TDRD5: variants seen among roughly 807,000 people sequenced by gnomAD.
TDRD5 encodes tudor domain containing 5, also known as tudor domain-containing protein 5.
TDRD5 carries 41 observed loss-of-function variants against 120.6 expected under a neutral mutation model. That is an observed-to-expected ratio of 0.34 (90% CI 0.26 to 0.44). TDRD5 has a LOEUF of 0.44. Ranked by LOEUF, TDRD5 falls within the 20% of genes least tolerant of loss-of-function variation. The pLI, the probability that TDRD5 is intolerant of heterozygous loss-of-function variation, is 1.00. For missense variants in TDRD5, 1,006 were observed against 1,221.2 expected, an observed-to-expected ratio of 0.82 and a Z score of 2.63; for synonymous variants, 430 against 433.7, an observed-to-expected ratio of 0.99 and a Z score of 0.11.
At chr1:179,663,861 T>G (rs975301168) in intron 16 of TDRD5, among the ~76,000 whole-genome samples, 1 of 152,218 alleles carries the variant, frequency 6.6e-6, no homozygotes, top group Non-Finnish European at 1.5e-5. Context: ...TTCCTGTAAC[T>G]TAGTCATAAT....
At chr1:179,665,599 TC>T (rs1679518594) in intron 16 of TDRD5, among the ~76,000 whole-genome samples, 1 of 152,166 alleles carries the variant, frequency 6.6e-6, no homozygotes, top group African/African-American at 2.4e-5. Flanking sequence ...ATGTGTCTGT[TC>T]CTATACCAGC....
intron 4 of TDRD5, among the ~76,000 whole-genome samples, chr1:179,601,193 T>G (rs1028288769): frequency 2.0e-5 from 3 of 152,270 alleles, no homozygotes; most frequent in African/African-American, 4.8e-5. Context: ...AACATAATTA[T>G]AGATTTGTCT....
At chr1:179,663,751 T>A (rs1205581251) in intron 16 of TDRD5, among the ~76,000 whole-genome samples, 1 of 152,204 alleles carries the variant, frequency 6.6e-6, no homozygotes, top group Non-Finnish European at 1.5e-5. Flanking sequence ...ATGTTGATTT[T>A]AAAATGAAAA....
At chr1:179,635,423 G>A (rs1045494172) in intron 8 of TDRD5, among the ~76,000 whole-genome samples, 1 of 152,118 alleles carries the variant, frequency 6.6e-6, no homozygotes, top group African/African-American at 2.4e-5. Flanking sequence ...ATGTCATAAG[G>A]TAGTAGTTTT....
intron 9 of TDRD5, among the ~76,000 whole-genome samples, chr1:179,637,928 CTCAAAGACAAGAAT>C (rs1227630259): frequency 2.0e-5 from 3 of 152,112 alleles, no homozygotes; most frequent in African/African-American, 4.8e-5. Flanking sequence ...TGAGCTAGGC[CTCAAAGACAAGAAT>C]TTGCGAGTCA....
At chr1:179,664,021 A>C in intron 16 of TDRD5, among the ~76,000 whole-genome samples, 1 of 152,194 alleles carries the variant, frequency 6.6e-6, no homozygotes, top group Non-Finnish European at 1.5e-5. Flanking sequence ...AATGTCTGTG[A>C]ATCACGAAAT....
intron 3 of TDRD5, among the ~76,000 whole-genome samples, chr1:179,594,847 C>T (rs537505645): frequency 6.6e-6 from 1 of 152,332 alleles, no homozygotes; most frequent in South Asian, 2.1e-4. Context: ...TCAACTTTAT[C>T]AGTATTCTTG....
chr1:179,639,404 A>T (rs1677922197), intron 9 of TDRD5, among the ~76,000 whole-genome samples: 1 of 152,200 alleles, frequency 6.6e-6, no homozygotes, highest in South Asian at 2.1e-4. Flanking sequence ...ATAACTATTG[A>T]CAAAGAAGTA....
At chr1:179,670,812 T>C (rs1679819891) in intron 17 of TDRD5, among the ~76,000 whole-genome samples, 1 of 152,238 alleles carries the variant, frequency 6.6e-6, no homozygotes, top group Non-Finnish European at 1.5e-5. Flanking sequence ...CTTTGTCAGG[T>C]ATAAATATTC....
intron 17 of TDRD5, among the ~76,000 whole-genome samples, chr1:179,686,720 G>T (rs146463391): frequency 6.6e-6 from 1 of 152,062 alleles, no homozygotes; most frequent in Non-Finnish European, 1.5e-5. Context: ...CAGTTTCAGA[G>T]CCTGTTATTG....
chr1:179,640,709 A>C (rs191827694), intron 11 of TDRD5, among the ~76,000 whole-genome samples: 25 of 152,312 alleles, frequency 1.6e-4, no homozygotes, highest in African/African-American at 5.8e-4. Flanking sequence ...GAGGCATTTG[A>C]GTGGCACTTT....
chr1:179,685,794 C>T (rs993035379), intron 17 of TDRD5, among the ~76,000 whole-genome samples: 3 of 152,126 alleles, frequency 2.0e-5, no homozygotes, highest in African/African-American at 7.2e-5. Context: ...ATTTTATTCT[C>T]TCTGAAGCAA....
In TDRD5 at chr1:179,685,925, A is replaced by T. The variant is rs574393316; in HGVS notation, c.2861-4771A>T. The stretch of plus-strand genomic sequence containing the variant: ...GAGACTTTGCTGAAGTTGCTTATCA[A>T]CTTAAGGAGATTTTGAGCTAAGATG... On this transcript the variant is annotated intron_variant, in intron 17 of 17. Transcript: ENST00000444136. Among the ~76,000 whole-genome samples the T allele has an allele frequency of 2.0e-5, 3 of 152,240 alleles. No individual in the cohort carries two copies. The South Asian group carries it at 6.2e-4, about 32-fold the overall frequency.
intron 14 of TDRD5, among the ~76,000 whole-genome samples, chr1:179,655,495 T>G (rs1253800294): frequency 6.6e-6 from 1 of 152,242 alleles, no homozygotes; most frequent in African/African-American, 2.4e-5. Context: ...TGGTGTACTA[T>G]TCTATCAACT....
intron 14 of TDRD5, 31 bp from the exon 15 acceptor site, chr1:179,662,073 T>C (rs1244593552): frequency 6.6e-7 from 1 of 1,505,526 alleles, no homozygotes; most frequent in African/African-American, 1.4e-5. Context: ...CTATAAATGA[T>C]AGTTTTTCTT....
intron 17 of TDRD5, among the ~76,000 whole-genome samples, chr1:179,678,077 C>A (rs762449069): frequency 1.3e-5 from 2 of 150,634 alleles, no homozygotes; most frequent in African/African-American, 4.9e-5. Context: ...GGGCTTGCTG[C>A]GGCTGCTATG....
intron 14 of TDRD5, 125 bp from the exon 15 acceptor site, chr1:179,661,979 A>T: frequency 1.2e-6 from 1 of 845,838 alleles, no homozygotes; most frequent in Non-Finnish European, 1.7e-6. Context: ...AAGGGAAATT[A>T]ATAAATTGTG....
At chr1:179,650,830 T>A (rs1487466352) in intron 11 of TDRD5, 37 bp from the exon 12 acceptor site, 6 of 1,590,280 alleles carry the variant, frequency 3.8e-6, no homozygotes, top group Non-Finnish European at 5.2e-6. Context: ...CATGTTTAGA[T>A]CTATCACCTG....
In TDRD5 at chr1:179,605,766, A is replaced by G. The variant is rs58863119; in HGVS notation, c.831+9948A>G. ...TCTTTCACTTAGTAATATGCATTTA[A>G]GGTTCCTTTATGTCTTTTCATGGCT... On this transcript the variant is annotated intron_variant, in intron 4 of 17. Coordinates refer to ENST00000444136, the MANE Select transcript of TDRD5 (RefSeq NM_001199085.3). 4.6e-3 allele frequency among the ~76,000 whole-genome samples: 699 copies of G among 152,244 alleles called. 4 individuals are homozygous for G. The highest frequency in any genetic ancestry group is 0.015 in the African/African-American group (638 of 41,548).
Sources: gnomAD v4.1 joint callset for allele counts (sites outside exome capture counted in the v4.1 genomes callset) on GRCh38, gnomAD v4.1.1 for gene constraint, MANE v1.5 for transcripts, NCBI Gene and HGNC (gene_info 2026-07-23, HGNC 2026-07-21) for gene names.